The following ZMAT3 variants were observed in gnomAD, a reference collection of about 807,000 sequenced individuals.
The protein encoded by ZMAT3 is zinc finger matrin-type protein 3.
Under a neutral mutation model 32.3 loss-of-function variants are expected in ZMAT3, and 17 were observed. That is an observed-to-expected ratio of 0.53 (90% CI 0.36 to 0.79). The LOEUF (loss-of-function observed/expected upper bound fraction) is 0.79, where lower values mean the gene tolerates loss of function less well. Ranked by LOEUF, ZMAT3 falls within the 30% of genes least tolerant of loss-of-function variation. The pLI is 0.00. For synonymous variants in ZMAT3, 120 were observed against 133.1 expected, an observed-to-expected ratio of 0.90 and a Z score of 0.68; for missense variants, 329 against 359.7, an observed-to-expected ratio of 0.91 and a Z score of 0.69.
chr3:179,064,297 T>TA (rs1392096621), intron 2 of ZMAT3, among the ~76,000 whole-genome samples: 4 of 152,264 alleles, frequency 2.6e-5, no homozygotes, highest in African/African-American at 9.6e-5. Context: ...TGCTCTGTAT[T>TA]AAAAATTAGT....
At chr3:179,049,745 C>T (rs1190528626) in intron 2 of ZMAT3, among the ~76,000 whole-genome samples, 2 of 152,114 alleles carry the variant, frequency 1.3e-5, no homozygotes, top group African/African-American at 4.8e-5. Context: ...GTAATCCCAG[C>T]ACTTTGGGAG....
Position 179,025,225 on chromosome 3 carries a change from C to T in ZMAT3, c.662G>A (p.Gly221Asp), listed in dbSNP as rs752128668. 3 of 1,611,072 alleles carry T rather than the reference C, an allele frequency of 1.9e-6. No individual in the cohort carries two copies. The highest frequency in any genetic ancestry group is 2.5e-6 in the Non-Finnish European group (3 of 1,178,186). ...CCGAGAGCGGGGATTGAAGTAAGGA[C>T]CTGCTAAAGCAAGAGATAAAAATAA... is the stretch of plus-strand genomic sequence containing the variant. ...NMYTVQNNSA[G>D]PYFNPRSRQR... The change falls in exon 6 of 6, where the codon GGT (glycine) becomes GAT (aspartate). Residue 221 changes from glycine (G) to aspartate (D), a missense_variant. Coordinates refer to ENST00000311417, the MANE Select transcript of ZMAT3 (RefSeq NM_022470.4).
rs190090987 is a variant in ZMAT3, at chr3:179,046,679, C to T, written c.271-15680G>A. Among the ~76,000 whole-genome samples the T allele has an allele frequency of 2.0e-3, 299 of 152,280 alleles. No homozygotes were observed. Among genetic ancestry groups the T allele is most frequent in the South Asian group, 3.9e-3 (19 of 4,826 alleles). On this transcript the variant is annotated intron_variant, in intron 2 of 5. Coordinates refer to ENST00000311417, the MANE Select transcript of ZMAT3 (RefSeq NM_022470.4). This position sits in a 1 kb window ranked among gnomAD's most constrained non-coding sequence, Gnocchi z 4.3. ...CAGATGAGGCACAGTGGGAGGAAGA[C>T]CAGCCTTTAGGGCTGGGGGATGCAT...
chr3:179,035,978 A>G (rs1719569192), intron 2 of ZMAT3, among the ~76,000 whole-genome samples: 2 of 152,204 alleles, frequency 1.3e-5, no homozygotes, highest in South Asian at 4.1e-4. Context: ...GAGGGGCTAC[A>G]AGGAGAGATA....
intron 5 of ZMAT3, 73 bp downstream of exon 5, chr3:179,027,350 T>C: frequency 3.0e-6 from 4 of 1,338,466 alleles, no homozygotes; most frequent in Non-Finnish European, 4.2e-6. Flanking sequence ...CTATCTATTA[T>C]CATTAAAAGA....
rs930137808 is a variant in ZMAT3 at position 179,021,119 on chromosome 3, C to T, written c.*3898G>A. ...CAGTGAAGAAGAGTTGGAGGAGGAA[C>T]TTTTTCCAAATAAATGGTATAAAAA... On this transcript the variant is annotated 3_prime_UTR_variant, in exon 6 of 6. Coordinates refer to ENST00000311417, the MANE Select transcript of ZMAT3 (RefSeq NM_022470.4). 6.6e-6 allele frequency: 1 copy of T among 152,092 alleles called. No homozygotes were observed. Among genetic ancestry groups the T allele is most frequent in the African/African-American group, 2.4e-5 (1 of 41,404 alleles). The allele number at this position is 152,092 out of a possible 1,614,324, so 9.4% of individuals were successfully genotyped here.
chr3:179,033,366 A>C (rs1719401275), intron 2 of ZMAT3, among the ~76,000 whole-genome samples: 2 of 152,168 alleles, frequency 1.3e-5, no homozygotes, highest in Admixed American at 6.5e-5. Flanking sequence ...GGAAGGCGGC[A>C]GGGCCCTCTG....
intron 2 of ZMAT3, among the ~76,000 whole-genome samples, chr3:179,061,665 T>C (rs1207288015): frequency 2.6e-5 from 4 of 152,012 alleles, no homozygotes; most frequent in Non-Finnish European, 4.4e-5. Flanking sequence ...CAAACTAAAA[T>C]AGACACAATT....
Position 179,067,487 on chromosome 3 carries a change from T to C in ZMAT3, c.266A>G (p.Tyr89Cys), listed in dbSNP as rs1342850142. The C allele has an allele frequency of 6.2e-7, 1 of 1,614,084 alleles. No homozygotes were observed. Among genetic ancestry groups the C allele is most frequent in the Admixed American group, 1.7e-5 (1 of 60,030 alleles). The change falls in exon 2 of 6, where the codon TAT becomes TGT. Residue 89 changes from tyrosine (Y) to cysteine (C), a missense_variant. Transcript: ENST00000311417. ...GGTTTTCTTTTCTCCCTTTACCTGA[T>C]AATGAGCCTGGGCTTGCTGTGCAGA... The part of the protein sequence containing the change: ...LNSAQQAQAH[Y>C]QGKNHGKKLR...
intron 2 of ZMAT3, among the ~76,000 whole-genome samples, chr3:179,038,046 T>C (rs1306260876): frequency 6.7e-6 from 1 of 149,004 alleles, no homozygotes; most frequent in Non-Finnish European, 1.5e-5. Context: ...AGGGAGAGAG[T>C]GGGGTGGGCC....
At chr3:179,031,241 G>GAA (rs753173864) in intron 2 of ZMAT3, among the ~76,000 whole-genome samples, 1 of 140,746 alleles carries the variant, frequency 7.1e-6, no homozygotes, top group Non-Finnish European at 1.5e-5. Flanking sequence ...GTATGTACAG[G>GAA]AAAAAAAAAA....
At chr3:179,030,357 T>C (rs1719110814) in intron 3 of ZMAT3, among the ~76,000 whole-genome samples, 1 of 149,180 alleles carries the variant, frequency 6.7e-6, no homozygotes, top group South Asian at 2.1e-4. Flanking sequence ...AGAATTTCTT[T>C]TTTTTTTTTT....
chr3:179,060,173 G>A (rs939047876), intron 2 of ZMAT3, among the ~76,000 whole-genome samples: 24 of 151,930 alleles, frequency 1.6e-4, no homozygotes, highest in African/African-American at 5.6e-4. Context: ...AATTCAATAT[G>A]AGATTAGAAG....
intron 2 of ZMAT3, among the ~76,000 whole-genome samples, chr3:179,043,376 C>T (rs879266393): frequency 1.3e-5 from 2 of 151,378 alleles, no homozygotes; most frequent in Admixed American, 6.6e-5. Flanking sequence ...CCAAAACAGA[C>T]ATATAGACCA....
At chr3:179,062,467 CA>C (rs771888900) in intron 2 of ZMAT3, among the ~76,000 whole-genome samples, 183 of 152,082 alleles carry the variant, frequency 1.2e-3, no homozygotes, top group Admixed American at 3.7e-3. Flanking sequence ...CAAACTTGGA[CA>C]AAAGAAAGGG....
At chr3:179,035,350 T>C (rs1719527571) in intron 2 of ZMAT3, among the ~76,000 whole-genome samples, 1 of 152,128 alleles carries the variant, frequency 6.6e-6, no homozygotes, top group Non-Finnish European at 1.5e-5. Flanking sequence ...TCCTTAAACA[T>C]GCCAAGCTCA....
At position 179,023,710 on chromosome 3, in the gene ZMAT3, A is replaced by ATATATATTTT. The variant is rs1553798348; in HGVS notation, c.*1306_*1307insAAAATATATA. 4.0e-5 allele frequency: 1 copy of ATATATATTTT among 25,058 alleles called. No homozygotes were observed. Among genetic ancestry groups the ATATATATTTT allele is most frequent in the Non-Finnish European group, 6.0e-5 (1 of 16,728 alleles). 1.6% of individuals were successfully genotyped at this position (25,058 alleles called of 1,614,324 possible). On this transcript the variant is annotated 3_prime_UTR_variant, in exon 6 of 6. Coordinates refer to ENST00000311417, the MANE Select transcript of ZMAT3 (RefSeq NM_022470.4). ...GGAAAATATATCTATATATATATATATTTTTTTTTTTTTTTTTTTTTTTTT... is the reference window on the plus strand; with the variant it reads ...GGAAAATATATCTATATATATATATATATATATTTTTTTTTTTTTTTTTTTTTTTTTTTTT...
In ZMAT3 at chr3:179,023,695, T is replaced by TATA. The variant is rs1560081290; in HGVS notation, c.*1321_*1322insTAT. 6.1e-5 allele frequency: 1 copy of TATA among 16,500 alleles called. No individual in the cohort carries two copies. Among genetic ancestry groups the TATA allele is most frequent in the African/African-American group, 5.5e-4 (1 of 1,832 alleles). 1.0% of individuals were successfully genotyped at this position (16,500 alleles called of 1,614,324 possible). A position where few individuals can be genotyped will look rare whatever the true frequency, so the allele number is the denominator to read the frequency against. On this transcript the variant is annotated 3_prime_UTR_variant, in exon 6 of 6. Coordinates refer to ENST00000311417, the MANE Select transcript of ZMAT3 (RefSeq NM_022470.4). ...TTCCTAAAAACTGCTGGAAAATATA[T>TATA]CTATATATATATATATTTTTTTTTT... is the stretch of plus-strand genomic sequence containing the variant.
intron 2 of ZMAT3, among the ~76,000 whole-genome samples, chr3:179,047,222 A>G (rs1720288074): frequency 6.6e-6 from 1 of 152,218 alleles, no homozygotes; most frequent in Non-Finnish European, 1.5e-5. Context: ...AGAGCCCAGT[A>G]GCTCCACTAG....
Sources: allele counts gnomAD v4.1 joint callset (sites outside exome capture counted in the v4.1 genomes callset), GRCh38; gene constraint gnomAD v4.1.1; non-coding constraint Gnocchi (gnomAD v3.1); transcripts MANE v1.5; gene names NCBI Gene and HGNC (gene_info 2026-07-23, HGNC 2026-07-21).